FHIT: variants seen among roughly 807,000 people sequenced by gnomAD.
The protein encoded by FHIT is bis(5'-adenosyl)-triphosphatase.
FHIT carries 19 observed loss-of-function variants against 17.9 expected under a neutral mutation model. The ratio of observed to expected loss-of-function variants is 1.06; its 90% CI spans 0.74 to 1.56. The LOEUF is 1.56. FHIT is among the 40% of genes most tolerant of loss of function. FHIT has a pLI of 0.00. For missense variants in FHIT, 248 were observed against 189.2 expected (o/e 1.31, Z -1.82); for synonymous variants, 81 against 69.7 (o/e 1.16, Z -0.81).
intron 2 of FHIT, among the ~76,000 whole-genome samples, chr3:61,159,076 A>G (rs541282974): frequency 1.3e-4 from 20 of 152,342 alleles, no homozygotes; most frequent in Admixed American, 3.3e-4. Context: ...ATTCTAACAA[A>G]TACTTAATTT....
chr3:60,489,261 A>G (rs1255981937), intron 5 of FHIT, among the ~76,000 whole-genome samples: 2 of 152,194 alleles, frequency 1.3e-5, no homozygotes, highest in African/African-American at 4.8e-5. Context: ...TCAAGTTGCA[A>G]TTCACAGAGG....
chr3:60,450,156 T>C (rs140535461), intron 5 of FHIT, among the ~76,000 whole-genome samples: 20 of 152,130 alleles, frequency 1.3e-4, no homozygotes, highest in Middle Eastern at 3.4e-3. Flanking sequence ...TAGGATATTA[T>C]TGTAAACTAC....
intron 8 of FHIT, among the ~76,000 whole-genome samples, chr3:59,804,459 A>G (rs1700117994): frequency 6.6e-6 from 1 of 152,214 alleles, no homozygotes; most frequent in Non-Finnish European, 1.5e-5. Flanking sequence ...AAACAAAGCA[A>G]GGAAAGAATG....
At chr3:60,547,566 C>T (rs1472834309) in intron 4 of FHIT, among the ~76,000 whole-genome samples, 1 of 152,096 alleles carries the variant, frequency 6.6e-6, no homozygotes, top group Non-Finnish European at 1.5e-5. Flanking sequence ...AAATGAGTCT[C>T]CATTTCCCAC....
At chr3:60,493,916 A>C (rs1480308031) in intron 5 of FHIT, among the ~76,000 whole-genome samples, 1 of 152,096 alleles carries the variant, frequency 6.6e-6, no homozygotes, top group African/African-American at 2.4e-5. Flanking sequence ...CTCAGAAAAA[A>C]TCATTTTGGT....
intron 5 of FHIT, among the ~76,000 whole-genome samples, chr3:60,512,997 T>C (rs1202639388): frequency 3.3e-5 from 5 of 152,200 alleles, no homozygotes; most frequent in African/African-American, 1.2e-4. Flanking sequence ...AAAATCTGAA[T>C]ATGGAAAATA....
chr3:60,526,789 G>A (rs17063443), intron 5 of FHIT, among the ~76,000 whole-genome samples: 16,719 of 152,164 alleles, frequency 0.11, 1,116 homozygotes, highest in East Asian at 0.22. Context: ...TCAGCCTGCA[G>A]GTCCTACAGC....
intron 3 of FHIT, among the ~76,000 whole-genome samples, chr3:60,916,187 C>G (rs1706993017): frequency 6.6e-6 from 1 of 152,104 alleles, no homozygotes; most frequent in East Asian, 1.9e-4. Context: ...TGTTTTTAAT[C>G]ATTTGTTGTT....
At chr3:60,326,089 T>C (rs1285963687) in intron 5 of FHIT, among the ~76,000 whole-genome samples, 1 of 152,042 alleles carries the variant, frequency 6.6e-6, no homozygotes, top group African/African-American at 2.4e-5. Flanking sequence ...GTCCCCAACC[T>C]TTCTGGTACC....
chr3:60,726,282 T>C (rs1553709545), intron 4 of FHIT, among the ~76,000 whole-genome samples: 5 of 152,174 alleles, frequency 3.3e-5, no homozygotes, highest in Admixed American at 1.3e-4. Flanking sequence ...AGATGATTGA[T>C]GGAATAAGTC....
At chr3:60,324,836 T>C (rs984723942) in intron 5 of FHIT, among the ~76,000 whole-genome samples, 7 of 152,214 alleles carry the variant, frequency 4.6e-5, no homozygotes, top group Non-Finnish European at 7.3e-5. Context: ...GTGTACTGTT[T>C]TCTTTATTTG....
intron 5 of FHIT, among the ~76,000 whole-genome samples, chr3:60,063,567 G>C (rs1421256167): frequency 6.6e-6 from 1 of 152,072 alleles, no homozygotes; most frequent in Non-Finnish European, 1.5e-5. Context: ...TTTTTTAGAA[G>C]GCCATTGAAA....
intron 5 of FHIT, among the ~76,000 whole-genome samples, chr3:60,089,557 T>C (rs1703643861): frequency 1.3e-5 from 2 of 152,282 alleles, no homozygotes; most frequent in South Asian, 4.1e-4. Context: ...ACCTAAATAA[T>C]AACACAAGTT....
At chr3:61,181,652 A>T (rs1246170954) in intron 2 of FHIT, among the ~76,000 whole-genome samples, 1 of 152,132 alleles carries the variant, frequency 6.6e-6, no homozygotes, top group Non-Finnish European at 1.5e-5. Context: ...CCAAAGACCA[A>T]AAAAATCTAC....
chr3:60,864,053 C>T (rs574910279), intron 3 of FHIT, among the ~76,000 whole-genome samples: 6 of 152,258 alleles, frequency 3.9e-5, no homozygotes, highest in Non-Finnish European at 5.9e-5. Context: ...AGCAAAGGTA[C>T]ATCTCATATG....
chr3:60,416,106 C>T lies in FHIT; in HGVS notation c.103+120754G>A, dbSNP rs573781928. 4.6e-5 allele frequency among the ~76,000 whole-genome samples: 7 copies of T among 151,432 alleles called. No individual in the cohort carries two copies. The South Asian group carries it at 1.5e-3, about 32-fold the overall frequency. ...AAATAGTGGAAAAAACATAAAGGCC[C>T]AATAAACATAACAAGATGGCCAATC... On this transcript the variant is annotated intron_variant, in intron 5 of 9. Transcript: ENST00000492590.
At chr3:59,942,351 T>C (rs1706565301) in intron 7 of FHIT, among the ~76,000 whole-genome samples, 1 of 152,180 alleles carries the variant, frequency 6.6e-6, no homozygotes, top group Non-Finnish European at 1.5e-5. Flanking sequence ...CCCACACTCC[T>C]GTAGTCAGAT....
At chr3:59,858,236 CTTTTTTTTTTTT>C (rs563841299) in intron 8 of FHIT, among the ~76,000 whole-genome samples, 2 of 84,454 alleles carry the variant, frequency 2.4e-5, no homozygotes, top group Non-Finnish European at 4.2e-5. Flanking sequence ...TTCCCACCTT[CTTTTTTTTTTTT>C]TTTTTTTTTT....
rs113408588 is a variant in FHIT at position 60,628,728 on chromosome 3, T to C, written c.-17-91749A>G. ...TCCTTTTAATGGCTTATCACCACAA[T>C]GTCTATTGCTTTGGACAATGACCTT... On this transcript the variant is annotated intron_variant, in intron 4 of 9. Coordinates refer to ENST00000492590, the MANE Select transcript of FHIT (RefSeq NM_002012.4). Among the ~76,000 whole-genome samples, 837 of 152,346 alleles carry C rather than the reference T, an allele frequency of 5.5e-3. 8 individuals carry two copies. The highest frequency in any genetic ancestry group is 0.019 in the African/African-American group (808 of 41,582).
Sources: allele counts gnomAD v4.1 joint callset (sites outside exome capture counted in the v4.1 genomes callset), GRCh38; gene constraint gnomAD v4.1.1; transcripts MANE v1.5; gene names NCBI Gene and HGNC (gene_info 2026-07-23, HGNC 2026-07-21).